FOXP1: variants seen among roughly 807,000 people sequenced by gnomAD.
FOXP1 encodes the protein forkhead box protein P1.
Under a neutral mutation model 98.2 loss-of-function variants are expected in FOXP1, and 15 were observed. The observed-to-expected ratio is 0.15, with a 90% CI of 0.10 to 0.24. The LOEUF (loss-of-function observed/expected upper bound fraction) is 0.24. Ranked by LOEUF, FOXP1 falls within the 10% of genes least tolerant of loss-of-function variation. FOXP1 has a pLI of 1.00. For missense variants in FOXP1, 633 were observed against 848.5 expected (o/e 0.75, Z 3.15); for synonymous variants, 371 against 314.5 (o/e 1.18, Z -1.90).
At chr3:71,480,313 T>C (rs760668375) in intron 3 of FOXP1, among the ~76,000 whole-genome samples, 2 of 152,316 alleles carry the variant, frequency 1.3e-5, no homozygotes, top group Middle Eastern at 3.4e-3. Context: ...CACAGTATGC[T>C]GCTACTGCAG....
At chr3:71,077,797 C>T (rs1293780550) in intron 7 of FOXP1, among the ~76,000 whole-genome samples, 2 of 152,030 alleles carry the variant, frequency 1.3e-5, no homozygotes, top group African/African-American at 4.8e-5. Context: ...CCTCTCACTT[C>T]CTCCCCTCCT....
intron 2 of FOXP1, among the ~76,000 whole-genome samples, chr3:71,534,404 C>T (rs1331990297): frequency 1.3e-5 from 2 of 152,074 alleles, no homozygotes; most frequent in Non-Finnish European, 2.9e-5. Context: ...TCTCCCTATA[C>T]ACTGGTTTCC....
chr3:71,378,482 G>A (rs1471493722), intron 3 of FOXP1, among the ~76,000 whole-genome samples: 4 of 152,078 alleles, frequency 2.6e-5, no homozygotes, highest in African/African-American at 9.7e-5. Context: ...GTCCCACTCT[G>A]TCCTACCCAC....
rs149775637 is a variant in FOXP1 at position 71,210,141 on chromosome 3, T to A, written c.-11-11749A>T. Among the ~76,000 whole-genome samples, 399 of 152,316 alleles carry A rather than the reference T, an allele frequency of 2.6e-3. 1 individual carries two copies. The highest frequency in any genetic ancestry group is 8.8e-3 in the African/African-American group (366 of 41,576). Reference sequence around the variant, plus strand: ...TTTTCCACTCTGTCTAAAAAGAAAGTAACAAAAATTGTGTTGGTCTGCCCC... The same window carrying A: ...TTTTCCACTCTGTCTAAAAAGAAAGAAACAAAAATTGTGTTGGTCTGCCCC... On this transcript the variant is annotated intron_variant, in intron 5 of 20. Coordinates refer to ENST00000649528, the MANE Select transcript of FOXP1 (RefSeq NM_001349338.3).
intron 4 of FOXP1, among the ~76,000 whole-genome samples, chr3:71,310,940 C>A (rs1269196747): frequency 6.6e-6 from 1 of 152,212 alleles, no homozygotes; most frequent in African/African-American, 2.4e-5. Flanking sequence ...TGAACTGATT[C>A]TGTTTGGTTG....
chr3:71,431,509 A>G (rs1233298358), intron 3 of FOXP1, among the ~76,000 whole-genome samples: 2 of 152,126 alleles, frequency 1.3e-5, no homozygotes, highest in Non-Finnish European at 2.9e-5. Flanking sequence ...CAATTTACAG[A>G]TAGAAAACCT....
chr3:71,583,910 C>G (rs1326665159), upstream of FOXP1: 1 of 984,752 alleles, frequency 1.0e-6, no homozygotes. Flanking sequence ...CTTCACGCAC[C>G]CCGCTGGGCA....
At chr3:71,499,557 C>T (rs1412434237) in intron 2 of FOXP1, among the ~76,000 whole-genome samples, 1 of 152,176 alleles carries the variant, frequency 6.6e-6, no homozygotes, top group Non-Finnish European at 1.5e-5. Context: ...TTGGGAGTCC[C>T]CTGGCCAAGG....
intron 20 of FOXP1, among the ~76,000 whole-genome samples, chr3:70,959,678 G>A (rs985970082): frequency 2.0e-5 from 3 of 152,310 alleles, no homozygotes; most frequent in East Asian, 3.9e-4. Flanking sequence ...GCATCACTGC[G>A]TAAAGTTCTC....
At chr3:71,276,041 T>A (rs2070847461) in intron 5 of FOXP1, 1 of 152,172 alleles carries the variant, frequency 6.6e-6, no homozygotes, top group African/African-American at 2.4e-5. Context: ...TTAACAAGCC[T>A]GAAAAAAATC....
At chr3:71,431,530 G>C (rs1309008129) in intron 3 of FOXP1, among the ~76,000 whole-genome samples, 1 of 152,162 alleles carries the variant, frequency 6.6e-6, no homozygotes, top group Non-Finnish European at 1.5e-5. Flanking sequence ...GAGGGTCCAA[G>C]AGATCTGGTA....
chr3:71,192,667 CAG>C (rs2063057774), intron 6 of FOXP1, among the ~76,000 whole-genome samples: 1 of 152,184 alleles, frequency 6.6e-6, no homozygotes, highest in African/African-American at 2.4e-5. Flanking sequence ...TTTCTTGAAA[CAG>C]GGTCTCAATC....
At chr3:71,457,416 C>G (rs2087609973) in intron 3 of FOXP1, among the ~76,000 whole-genome samples, 1 of 152,172 alleles carries the variant, frequency 6.6e-6, no homozygotes, top group Non-Finnish European at 1.5e-5. Flanking sequence ...CAAATCCTCT[C>G]TTTCTGCCAG....
chr3:71,400,649 G>A lies in FOXP1; in HGVS notation c.-167-41405C>T, dbSNP rs112717211. 3.5e-3 allele frequency among the ~76,000 whole-genome samples: 540 copies of A among 152,180 alleles called. 4 individuals are homozygous for A. The highest frequency in any genetic ancestry group is 0.012 in the African/African-American group (518 of 41,538). On this transcript the variant is annotated intron_variant, in intron 3 of 20. Coordinates refer to ENST00000649528, the MANE Select transcript of FOXP1 (RefSeq NM_001349338.3). Reference sequence around the variant, plus strand: ...CTGGGATCAATGCCTGAGCCACCACGGCCAGCCAATTTATGTGTAATTAAT... The same window carrying A: ...CTGGGATCAATGCCTGAGCCACCACAGCCAGCCAATTTATGTGTAATTAAT...
chr3:71,274,215 G>T (rs1576703898), intron 5 of FOXP1, among the ~76,000 whole-genome samples: 1 of 152,184 alleles, frequency 6.6e-6, no homozygotes, highest in Non-Finnish European at 1.5e-5. Flanking sequence ...AGGCCTATAG[G>T]AGCTCAGGGA....
intron 13 of FOXP1, among the ~76,000 whole-genome samples, chr3:70,991,856 G>A (rs1161077401): frequency 6.6e-6 from 1 of 152,164 alleles, no homozygotes; most frequent in Non-Finnish European, 1.5e-5. Context: ...TATGATGCTT[G>A]GTCTGAGTTT....
At chr3:71,313,116 GT>G (rs1274846147) in intron 4 of FOXP1, among the ~76,000 whole-genome samples, 1 of 140,770 alleles carries the variant, frequency 7.1e-6, no homozygotes, top group Non-Finnish European at 1.5e-5. Flanking sequence ...CTGGAGTGCA[GT>G]GGCGCAATCT....
intron 4 of FOXP1, among the ~76,000 whole-genome samples, chr3:71,327,987 CAA>C (rs2076021670): frequency 6.6e-6 from 1 of 152,192 alleles, no homozygotes. Context: ...ACAAGCACCT[CAA>C]ATATTGTCAT....
At chr3:71,181,425 T>C (rs890098242) in intron 6 of FOXP1, among the ~76,000 whole-genome samples, 12 of 152,232 alleles carry the variant, frequency 7.9e-5, no homozygotes. Context: ...AAGTTATCTC[T>C]ATTGCCCTGT....
Sources: gnomAD v4.1 joint callset for allele counts (sites outside exome capture counted in the v4.1 genomes callset) on GRCh38, gnomAD v4.1.1 for gene constraint, MANE v1.5 for transcripts, NCBI Gene and HGNC (gene_info 2026-07-23, HGNC 2026-07-21) for gene names.